Variants in XRRA1 observed in about 807,000 individuals in gnomAD.
The protein encoded by XRRA1 is X-ray radiation resistance associated 1.
A neutral mutation model predicts 80.2 loss-of-function variants in XRRA1; 69 were observed. The ratio of observed to expected loss-of-function variants is 0.86; its 90% CI spans 0.71 to 1.05. XRRA1 has a LOEUF of 1.05. Among genes scored for constraint, XRRA1 ranks in the 50% least tolerant of loss-of-function variants. XRRA1 has a pLI of 0.00. For synonymous variants in XRRA1, 348 were observed against 389.9 expected (o/e 0.89, Z 1.27); for missense variants, 967 against 976.4 (o/e 0.99, Z 0.13).
chr11:74,864,130 G>A (rs1442167401), intron 10 of XRRA1: 1 of 152,090 alleles, frequency 6.6e-6, no homozygotes, highest in Non-Finnish European at 1.5e-5. Flanking sequence ...TTTAACAAAA[G>A]TTATAAAAAC....
chr11:74,924,009 A>T (rs941353084), intron 7 of XRRA1, among the ~76,000 whole-genome samples: 6 of 151,274 alleles, frequency 4.0e-5, no homozygotes, highest in Non-Finnish European at 5.9e-5. Context: ...CACCATGCTA[A>T]TTTTTTTTAT....
intron 10 of XRRA1, among the ~76,000 whole-genome samples, chr11:74,885,651 G>A (rs890647072): frequency 6.6e-6 from 1 of 152,106 alleles, no homozygotes; most frequent in African/African-American, 2.4e-5. Flanking sequence ...TAAAGAACTG[G>A]TACCATTCCT....
At chr11:74,856,340 T>C (rs1190938656) in intron 12 of XRRA1, among the ~76,000 whole-genome samples, 1 of 152,128 alleles carries the variant, frequency 6.6e-6, no homozygotes, top group Non-Finnish European at 1.5e-5. Context: ...TAAAGTAAAA[T>C]ACCATTTAAA....
At chr11:74,927,881 G>C (rs1224771092) in intron 6 of XRRA1, among the ~76,000 whole-genome samples, 1 of 152,162 alleles carries the variant, frequency 6.6e-6, no homozygotes, top group Non-Finnish European at 1.5e-5. Flanking sequence ...CCAACATCCA[G>C]AGACAAGTAT....
At chr11:74,870,116 T>C (rs76346388) in intron 10 of XRRA1, among the ~76,000 whole-genome samples, 199 of 152,346 alleles carry the variant, frequency 1.3e-3, no homozygotes, top group African/African-American at 4.3e-3. Context: ...ATTCGGTGTC[T>C]GATGGCCACC....
chr11:74,852,404 TAAG>T (rs1210087882), intron 12 of XRRA1, among the ~76,000 whole-genome samples: 2 of 152,138 alleles, frequency 1.3e-5, no homozygotes, highest in Admixed American at 6.5e-5. Context: ...GGCAAAATAA[TAAG>T]AACAAACACA....
Position 74,921,307 on chromosome 11 carries a change from A to G in XRRA1, c.563T>C (p.Ile188Thr), listed in dbSNP as rs377311887. Residue 188 changes from isoleucine (I) to threonine (T), a missense_variant, in exon 8 of 19, where the codon ATC (isoleucine) becomes ACC (threonine). Physicochemically the swap from Ile to Thr is moderately conservative, Grantham distance 89. Coordinates refer to ENST00000684022, the MANE Select transcript of XRRA1 (RefSeq NM_001378157.1). The stretch of plus-strand genomic sequence containing the variant: ...GTGTGGCAGAATCCCCAAATCACAG[A>G]TGGCCTCCACAGTCAGGCTGTTGAA... Reference protein sequence around the residue: ...LSFNSLTVEAICDLGILPHLR... With the variant: ...LSFNSLTVEATCDLGILPHLR... 6.8e-6 allele frequency: 11 copies of G among 1,613,816 alleles called. No homozygotes were observed. The highest frequency in any genetic ancestry group is 9.3e-6 in the Non-Finnish European group (11 of 1,179,856).
At chr11:74,844,134 G>A (rs777594786) in intron 17 of XRRA1, 34 bp downstream of exon 17, 9 of 1,588,074 alleles carry the variant, frequency 5.7e-6, no homozygotes, top group Non-Finnish European at 8.6e-7. Flanking sequence ...GGTACTCAGG[G>A]GCCATTTACA....
intron 1 of XRRA1, among the ~76,000 whole-genome samples, chr11:74,947,432 G>T (rs1362130004): frequency 1.3e-5 from 2 of 152,094 alleles, no homozygotes; most frequent in Admixed American, 6.6e-5. Context: ...CTACAGCTTG[G>T]GAGGCTGAGG....
chr11:74,863,125 C>T (rs1483975439), intron 10 of XRRA1, 104 bp from the exon 11 acceptor site: 1 of 1,089,074 alleles, frequency 9.2e-7, no homozygotes, highest in Admixed American at 2.0e-5. Flanking sequence ...CAGGGCACCT[C>T]CTAGAGGGAG....
intron 4 of XRRA1, 101 bp from the exon 5 acceptor site, chr11:74,933,973 T>A: frequency 9.5e-7 from 1 of 1,048,454 alleles, no homozygotes; most frequent in South Asian, 1.5e-5. Flanking sequence ...ATACTTGTCA[T>A]AATTTGTTTG....
At chr11:74,906,636 A>C (rs1380978740) in intron 9 of XRRA1, among the ~76,000 whole-genome samples, 180 bp from the exon 10 acceptor site, 2 of 152,152 alleles carry the variant, frequency 1.3e-5, no homozygotes, top group East Asian at 1.9e-4. Flanking sequence ...AATGGGGATA[A>C]TATTTATTAA....
chr11:74,905,757 G>A (rs930898034), intron 10 of XRRA1, among the ~76,000 whole-genome samples: 4 of 151,996 alleles, frequency 2.6e-5, no homozygotes, highest in Non-Finnish European at 4.4e-5. Flanking sequence ...CAGAGATCTG[G>A]GTCTCAGCTA....
chr11:74,865,807 G>C (rs2043270228), intron 10 of XRRA1, among the ~76,000 whole-genome samples: 1 of 152,236 alleles, frequency 6.6e-6, no homozygotes, highest in Admixed American at 6.5e-5. Context: ...TCTGGACTCA[G>C]GTCCCCTTGG....
chr11:74,868,389 G>A (rs978101180), intron 10 of XRRA1, among the ~76,000 whole-genome samples: 2 of 152,124 alleles, frequency 1.3e-5, no homozygotes, highest in African/African-American at 4.8e-5. Flanking sequence ...TGCTAAACTT[G>A]GAAAGAAAAG....
At chr11:74,897,241 G>A (rs1408647893) in intron 10 of XRRA1, among the ~76,000 whole-genome samples, 14 of 151,890 alleles carry the variant, frequency 9.2e-5, no homozygotes, top group Non-Finnish European at 1.9e-4. Context: ...ACTAAAGAAT[G>A]CATCAGTCTC....
At chr11:74,939,008 A>G (rs1945724468) in intron 3 of XRRA1, among the ~76,000 whole-genome samples, 1 of 152,200 alleles carries the variant, frequency 6.6e-6, no homozygotes, top group East Asian at 1.9e-4. Context: ...TTGAATAGTG[A>G]CTTTCTATTT....
At chr11:74,877,195 C>A (rs1445600546) in intron 10 of XRRA1, among the ~76,000 whole-genome samples, 2 of 152,188 alleles carry the variant, frequency 1.3e-5, no homozygotes, top group Non-Finnish European at 2.9e-5. Flanking sequence ...GTTACTCTAG[C>A]CACCCAATAA....
At chr11:74,928,422 C>T (rs1232409574) in intron 6 of XRRA1, among the ~76,000 whole-genome samples, 1 of 152,172 alleles carries the variant, frequency 6.6e-6, no homozygotes, top group Non-Finnish European at 1.5e-5. Context: ...AGGAGCTATG[C>T]CTATACGTGT....
Sources: allele counts gnomAD v4.1 joint callset (sites outside exome capture counted in the v4.1 genomes callset), GRCh38; gene constraint gnomAD v4.1.1; transcripts MANE v1.5; gene names NCBI Gene and HGNC (gene_info 2026-07-23, HGNC 2026-07-21).